CFAP20DC: variants seen among roughly 807,000 people sequenced by gnomAD.
CFAP20DC encodes the protein CFAP20 domain containing.
CFAP20DC carries 84 observed loss-of-function variants against 101.7 expected under a neutral mutation model. That is an observed-to-expected ratio of 0.83 (90% CI 0.69 to 0.99). The LOEUF (loss-of-function observed/expected upper bound fraction) is 0.99. CFAP20DC is among the 50% of genes least tolerant of loss of function. The pLI, the probability that CFAP20DC is intolerant of heterozygous loss-of-function variation, is 0.00. For missense variants in CFAP20DC, 1,007 were observed against 970.3 expected (o/e 1.04, Z -0.50); for synonymous variants, 359 against 351.2 (o/e 1.02, Z -0.25).
intron 4 of CFAP20DC, among the ~76,000 whole-genome samples, chr3:58,939,203 C>CT (rs1318911032): frequency 1.3e-5 from 2 of 152,094 alleles, no homozygotes; most frequent in African/African-American, 4.8e-5. Context: ...ATAAATGCCC[C>CT]TATATGGCAG....
intron 4 of CFAP20DC, among the ~76,000 whole-genome samples, chr3:59,031,493 T>G (rs562762351): frequency 6.6e-6 from 1 of 152,178 alleles, no homozygotes; most frequent in East Asian, 1.9e-4. Flanking sequence ...GCCTTTGGAG[T>G]CTTGAAAATG....
intron 14 of CFAP20DC, among the ~76,000 whole-genome samples, chr3:58,814,465 C>A (rs918494966): frequency 9.9e-5 from 15 of 151,258 alleles, no homozygotes; most frequent in African/African-American, 3.7e-4. Context: ...GATGCCCTCT[C>A]TCACCACTCC....
intron 16 of CFAP20DC, among the ~76,000 whole-genome samples, chr3:58,752,407 C>T (rs1270271939): frequency 6.6e-6 from 1 of 152,130 alleles, no homozygotes; most frequent in Non-Finnish European, 1.5e-5. Flanking sequence ...CACACTTCTA[C>T]AATGGAAGTT....
chr3:58,764,076 A>G (rs1428588435), intron 15 of CFAP20DC, among the ~76,000 whole-genome samples: 2 of 152,154 alleles, frequency 1.3e-5, no homozygotes, highest in East Asian at 1.9e-4. Context: ...AGACAGGGAC[A>G]TTTAAGTCTC....
intron 7 of CFAP20DC, among the ~76,000 whole-genome samples, chr3:58,878,722 C>A (rs554677341): frequency 4.9e-4 from 74 of 152,238 alleles, no homozygotes; most frequent in African/African-American, 1.7e-3. Context: ...ATTAAGAATG[C>A]ACCTCTGTGC....
At position 58,861,961 on chromosome 3, in the gene CFAP20DC, G is replaced by T. The variant is rs1204047269; in HGVS notation, c.1593+1597C>A. The T allele has an allele frequency of 1.5e-5, 15 of 984,752 alleles. No homozygotes were observed. The South Asian group carries it at 5.2e-4, about 34-fold the overall frequency. The allele number at this position is 984,752 out of a possible 1,614,324, so 61.0% of individuals were successfully genotyped here. A position where few individuals can be genotyped will look rare whatever the true frequency, so the allele number is the denominator to read the frequency against. On this transcript the variant is annotated intron_variant, in intron 12 of 16. Coordinates refer to ENST00000482387, the MANE Select transcript of CFAP20DC (RefSeq NM_001394063.1). This position sits in a 1 kb window ranked among gnomAD's most constrained non-coding sequence, Gnocchi z 4.0. ...GGATGTCAGAGGCAGAGTAGCTACA[G>T]CAAAAGAAAGCATTAAGTGATATCA...
intron 13 of CFAP20DC, 133 bp downstream of exon 13, chr3:58,848,899 A>G: frequency 1.8e-6 from 2 of 1,130,188 alleles, no homozygotes; most frequent in South Asian, 1.7e-5. Flanking sequence ...AAAACACATC[A>G]GAACAGGAAA....
intron 14 of CFAP20DC, among the ~76,000 whole-genome samples, chr3:58,822,684 T>C (rs890900497): frequency 2.6e-5 from 4 of 152,076 alleles, no homozygotes; most frequent in African/African-American, 9.7e-5. Context: ...TGGAAACTTT[T>C]CAAATAAAAA....
Position 58,722,969 on chromosome 3 carries a change from TCAAA to T in CFAP20DC, c.198-5345_198-5342del, listed in dbSNP as rs1469789470. On this transcript the variant is annotated intron_variant, in intron 3 of 3. Coordinates refer to the CFAP20DC transcript ENST00000486145. This position sits in a 1 kb window ranked among gnomAD's most constrained non-coding sequence, Gnocchi z 4.5. ...ATTCATGAGCACATGATCAGGTTTCTCAAACAGTCGAAATCCCTGACAACCATGC... is the reference window on the plus strand; with the variant it reads ...ATTCATGAGCACATGATCAGGTTTCTCAGTCGAAATCCCTGACAACCATGC... Among the ~76,000 whole-genome samples, 2 of 152,352 alleles carry T rather than the reference TCAAA, an allele frequency of 1.3e-5. No individual in the cohort carries two copies. The highest frequency in any genetic ancestry group is 4.1e-4 in the South Asian group (2 of 4,830).
At chr3:58,996,341 C>T (rs182441977) in intron 4 of CFAP20DC, among the ~76,000 whole-genome samples, 2 of 152,308 alleles carry the variant, frequency 1.3e-5, no homozygotes, top group African/African-American at 2.4e-5. Flanking sequence ...CTAGGCTTCA[C>T]GTAACAACCC....
At chr3:58,936,863 T>C (rs1445117408) in intron 5 of CFAP20DC, among the ~76,000 whole-genome samples, 4 of 151,726 alleles carry the variant, frequency 2.6e-5, no homozygotes, top group Admixed American at 6.6e-5. Flanking sequence ...GCATGGCACA[T>C]GTATACATAT....
intron 15 of CFAP20DC, among the ~76,000 whole-genome samples, chr3:58,757,550 C>T (rs2069080916): frequency 6.6e-6 from 1 of 151,668 alleles, no homozygotes; most frequent in Admixed American, 6.6e-5. Flanking sequence ...AGGTATCAGC[C>T]ATTTAAAAAA....
In CFAP20DC at chr3:58,882,671, G is replaced by A. The variant is rs1018279924; in HGVS notation, c.715+1874C>T. Among the ~76,000 whole-genome samples, 6 of 147,836 alleles carry A rather than the reference G, an allele frequency of 4.1e-5. No individual in the cohort carries two copies. The highest frequency in any genetic ancestry group is 1.6e-4 in the African/African-American group (6 of 37,386). On this transcript the variant is annotated intron_variant, in intron 7 of 16. Transcript: ENST00000482387. The surrounding 1 kb of genome is among the most constrained non-coding windows in gnomAD (Gnocchi z 4.2). ...AGTCAGATCTTTTTAATCCTTTTAT[G>A]TATTTATTTTCTCAAGGCTCTTTAA... is the stretch of plus-strand genomic sequence containing the variant.
chr3:58,845,229 T>C (rs1479049552), intron 13 of CFAP20DC, among the ~76,000 whole-genome samples: 2 of 150,246 alleles, frequency 1.3e-5, no homozygotes, highest in South Asian at 2.1e-4. Flanking sequence ...CAGGAGCTGG[T>C]TTTTTGAAAG....
chr3:58,932,494 A>G (rs2086853618), intron 5 of CFAP20DC, among the ~76,000 whole-genome samples: 1 of 152,154 alleles, frequency 6.6e-6, no homozygotes, highest in African/African-American at 2.4e-5. Context: ...AGTTGAAATG[A>G]AGGAAAAAAT....
At chr3:58,765,306 A>G (rs2070173713) in intron 15 of CFAP20DC, among the ~76,000 whole-genome samples, 1 of 152,072 alleles carries the variant, frequency 6.6e-6, no homozygotes, top group South Asian at 2.1e-4. Flanking sequence ...GCACACACAT[A>G]TACACATAAC....
rs61495907 is a variant in CFAP20DC at position 58,838,076 on chromosome 3, C to T, written c.1972-6187G>A. Reference sequence around the variant, plus strand: ...AATAATAAAAGGAATGGAGAGAAGACAGTAGCCACAAGCACAAGCTGTAAG... The same window carrying T: ...AATAATAAAAGGAATGGAGAGAAGATAGTAGCCACAAGCACAAGCTGTAAG... On this transcript the variant is annotated intron_variant, in intron 13 of 16. Transcript: ENST00000482387. Among the ~76,000 whole-genome samples, 1,462 of 152,300 alleles carry T rather than the reference C, an allele frequency of 9.6e-3. 37 individuals are homozygous for T. In the East Asian group the frequency reaches 0.1, roughly 10 times the overall value.
intron 16 of CFAP20DC, among the ~76,000 whole-genome samples, chr3:58,743,938 G>A (rs958757526): frequency 3.3e-5 from 5 of 152,144 alleles, no homozygotes; most frequent in Admixed American, 6.5e-5. Context: ...TCCATGAGCC[G>A]GACACTGAGT....
chr3:58,796,754 C>G (rs779585233), intron 15 of CFAP20DC, among the ~76,000 whole-genome samples: 9 of 152,122 alleles, frequency 5.9e-5, no homozygotes, highest in Non-Finnish European at 1.2e-4. Flanking sequence ...TTTATGGCAC[C>G]CTGTGTTGAG....
Sources: allele counts gnomAD v4.1 joint callset (sites outside exome capture counted in the v4.1 genomes callset), GRCh38; gene constraint gnomAD v4.1.1; non-coding constraint Gnocchi (gnomAD v3.1); transcripts MANE v1.5; gene names NCBI Gene and HGNC (gene_info 2026-07-23, HGNC 2026-07-21).